Variants in GPC6 observed in about 807,000 individuals in gnomAD.
GPC6 encodes the protein glypican-6.
In GPC6, 14 loss-of-function variants were observed where a neutral mutation model predicts 55.2. That is an observed-to-expected ratio of 0.25 (90% confidence interval 0.17 to 0.40). The LOEUF is 0.40. Among genes scored for constraint, GPC6 ranks in the 10% least tolerant of loss-of-function variants. The pLI is 1.00. For missense variants in GPC6, 641 were observed against 708.5 expected, an observed-to-expected ratio of 0.90 and a Z score of 1.08; for synonymous variants, 278 against 259.6, an observed-to-expected ratio of 1.07 and a Z score of -0.68.
intron 6 of GPC6, among the ~76,000 whole-genome samples, chr13:94,359,590 C>T (rs1203218899): frequency 6.6e-6 from 1 of 151,974 alleles, no homozygotes; most frequent in Non-Finnish European, 1.5e-5. Flanking sequence ...AATAGAAAAG[C>T]AACCTAATAT....
intron 7 of GPC6, 82 bp from the exon 8 acceptor site, chr13:94,398,384 C>T: frequency 9.6e-7 from 1 of 1,036,674 alleles, no homozygotes; most frequent in Non-Finnish European, 1.5e-6. Flanking sequence ...CAGAGACAGT[C>T]ATCTGGTTTT....
At chr13:93,647,943 G>T (rs1880244321) in intron 2 of GPC6, among the ~76,000 whole-genome samples, 1 of 152,064 alleles carries the variant, frequency 6.6e-6, no homozygotes, top group Admixed American at 6.5e-5. Context: ...GGGTATGAAA[G>T]CAAATATCTT....
intron 7 of GPC6, among the ~76,000 whole-genome samples, chr13:94,391,866 G>T (rs1880661081): frequency 6.6e-6 from 1 of 151,988 alleles, no homozygotes; most frequent in South Asian, 2.1e-4. Context: ...GCCTATTTTA[G>T]GTACCTCATA....
intron 3 of GPC6, among the ~76,000 whole-genome samples, chr13:93,950,682 G>A (rs1456997176): frequency 6.6e-6 from 1 of 152,138 alleles, no homozygotes; most frequent in African/African-American, 2.4e-5. Flanking sequence ...TTCATCTGCA[G>A]ACATCTATAT....
intron 2 of GPC6, among the ~76,000 whole-genome samples, chr13:93,722,983 A>T (rs1883502953): frequency 6.6e-6 from 1 of 151,856 alleles, no homozygotes; most frequent in Admixed American, 6.6e-5. Flanking sequence ...GTCTGTGAAG[A>T]CCTTATTTTC....
intron 2 of GPC6, among the ~76,000 whole-genome samples, chr13:93,629,751 G>C (rs1222867103): frequency 6.6e-6 from 1 of 152,130 alleles, no homozygotes; most frequent in Admixed American, 6.5e-5. Flanking sequence ...TTATAGAATA[G>C]CTGTGCTCTT....
chr13:94,162,368 C>T (rs1461745005), intron 4 of GPC6, among the ~76,000 whole-genome samples: 2 of 152,210 alleles, frequency 1.3e-5, no homozygotes, highest in African/African-American at 4.8e-5. Context: ...GCAGGAAACA[C>T]AGTCTTGTTA....
intron 2 of GPC6, among the ~76,000 whole-genome samples, chr13:93,742,916 GT>G (rs1483924740): frequency 3.3e-5 from 5 of 151,692 alleles, no homozygotes; most frequent in Admixed American, 2.0e-4. Context: ...TTCAGAGCAT[GT>G]TTCACTATGG....
At chr13:93,822,853 A>ATTT (rs566409888) in intron 2 of GPC6, among the ~76,000 whole-genome samples, 11 of 146,798 alleles carry the variant, frequency 7.5e-5, no homozygotes, top group African/African-American at 2.8e-4. Flanking sequence ...TATTATTATT[A>ATTT]TTTTATTATT....
intron 4 of GPC6, among the ~76,000 whole-genome samples, chr13:94,226,979 T>C (rs1304582471): frequency 6.6e-6 from 1 of 152,164 alleles, no homozygotes; most frequent in Non-Finnish European, 1.5e-5. Flanking sequence ...AGCCACTGAT[T>C]GTTCTAGGCA....
rs77545580 is a variant in GPC6, at chr13:93,867,543, A to G, written c.711+36998A>G. Among the ~76,000 whole-genome samples, 955 of 151,904 alleles carry G rather than the reference A, an allele frequency of 6.3e-3. 15 individuals carry two copies. The highest frequency in any genetic ancestry group is 0.022 in the African/African-American group (918 of 41,528). Reference sequence around the variant, plus strand: ...GCCCTCAGAACCATGTGTGTCCTGTAATAAGCTCTCAAGAAAGGCTAGTCA... The same window carrying G: ...GCCCTCAGAACCATGTGTGTCCTGTGATAAGCTCTCAAGAAAGGCTAGTCA... On this transcript the variant is annotated intron_variant, in intron 3 of 8. Coordinates refer to ENST00000377047, the MANE Select transcript of GPC6 (RefSeq NM_005708.5).
intron 1 of GPC6, among the ~76,000 whole-genome samples, chr13:93,523,614 A>T (rs556189000): frequency 6.6e-6 from 1 of 152,016 alleles, no homozygotes; most frequent in East Asian, 1.9e-4. Context: ...GATTATGGGT[A>T]TTTTGTTATG....
intron 2 of GPC6, among the ~76,000 whole-genome samples, chr13:93,696,710 C>A (rs2138788370): frequency 6.6e-6 from 1 of 151,622 alleles, no homozygotes; most frequent in East Asian, 1.9e-4. Context: ...CAACCTCCGC[C>A]CCACCGGGTT....
intron 6 of GPC6, among the ~76,000 whole-genome samples, chr13:94,345,123 A>G (rs1422480231): frequency 3.9e-5 from 6 of 152,250 alleles, no homozygotes. Flanking sequence ...TTTGAAGCAG[A>G]TAATAAAATT....
At chr13:94,126,633 G>A (rs1298299089) in intron 4 of GPC6, among the ~76,000 whole-genome samples, 1 of 152,092 alleles carries the variant, frequency 6.6e-6, no homozygotes, top group Non-Finnish European at 1.5e-5. Flanking sequence ...TCAATTAATA[G>A]AAGGGTAAAA....
chr13:93,981,460 G>A (rs1880800930), intron 3 of GPC6, among the ~76,000 whole-genome samples: 4 of 152,110 alleles, frequency 2.6e-5, no homozygotes, highest in African/African-American at 9.7e-5. Flanking sequence ...ATAAAAATTT[G>A]TATGAAATAA....
intron 1 of GPC6, among the ~76,000 whole-genome samples, chr13:93,531,515 G>A (rs953724628): frequency 1.3e-5 from 2 of 151,992 alleles, no homozygotes; most frequent in African/African-American, 4.8e-5. Flanking sequence ...ATTATTGAGG[G>A]TGATCTCCTT....
intron 8 of GPC6, among the ~76,000 whole-genome samples, chr13:94,402,585 C>G (rs1167284719): frequency 3.2e-4 from 49 of 152,180 alleles, no homozygotes; most frequent in Non-Finnish European, 1.5e-5. Flanking sequence ...TCTGTTTCCA[C>G]TCTTTCCTGG....
intron 1 of GPC6, among the ~76,000 whole-genome samples, chr13:93,489,063 T>G (rs1444886873): frequency 5.9e-5 from 9 of 151,424 alleles, no homozygotes; most frequent in Non-Finnish European, 8.8e-5. Flanking sequence ...TGTCCTGAAT[T>G]GTATTGCCTA....
Sources: gnomAD v4.1 joint callset for allele counts (sites outside exome capture counted in the v4.1 genomes callset) on GRCh38, gnomAD v4.1.1 for gene constraint, MANE v1.5 for transcripts, NCBI Gene and HGNC (gene_info 2026-07-23, HGNC 2026-07-21) for gene names.